Variants in CDK14 observed in about 807,000 individuals in gnomAD.
CDK14 encodes the protein cyclin dependent kinase 14.
Under a neutral mutation model 60.7 loss-of-function variants are expected in CDK14, and 34 were observed. That is an observed-to-expected ratio of 0.56 (90% CI 0.43 to 0.75). CDK14 has a LOEUF of 0.75. Ranked by LOEUF, CDK14 falls within the 30% of genes least tolerant of loss-of-function variation. CDK14 has a pLI of 0.00. For synonymous variants in CDK14, 197 were observed against 203.7 expected (o/e 0.97, Z 0.28); for missense variants, 482 against 564.1 (o/e 0.85, Z 1.47).
chr7:90,781,945 T>G (rs1323343271), intron 4 of CDK14, among the ~76,000 whole-genome samples: 3 of 152,086 alleles, frequency 2.0e-5, no homozygotes, highest in African/African-American at 7.2e-5. Flanking sequence ...TTTTTCCAAT[T>G]CTGTGCAGAA....
intron 9 of CDK14, among the ~76,000 whole-genome samples, chr7:90,972,014 C>T (rs1156259131): frequency 6.6e-6 from 1 of 152,092 alleles, no homozygotes; most frequent in Admixed American, 6.6e-5. Flanking sequence ...TTATTTTTTA[C>T]TTTTGTTTTT....
At chr7:91,079,342 C>G in intron 11 of CDK14, 90 bp from the exon 12 acceptor site, 1 of 817,848 alleles carries the variant, frequency 1.2e-6, no homozygotes. Flanking sequence ...GAGTAGCCCA[C>G]TCTTTTTTTA....
intron 2 of CDK14, among the ~76,000 whole-genome samples, chr7:90,667,722 A>T (rs1486015875): frequency 6.6e-6 from 1 of 151,970 alleles, no homozygotes; most frequent in Non-Finnish European, 1.5e-5. Context: ...GGCGCCTGCC[A>T]CCACGCCCGG....
intron 10 of CDK14, among the ~76,000 whole-genome samples, chr7:91,009,298 T>C (rs941819070): frequency 2.0e-5 from 3 of 152,204 alleles, no homozygotes; most frequent in Middle Eastern, 3.2e-3. Context: ...GTTTCCAGTT[T>C]TGTTGTACCT....
intron 9 of CDK14, among the ~76,000 whole-genome samples, chr7:90,957,445 A>G (rs1282872217): frequency 1.3e-5 from 2 of 152,152 alleles, no homozygotes; most frequent in South Asian, 2.1e-4. Context: ...TTATATATCT[A>G]GAAAACCCCA....
intron 10 of CDK14, among the ~76,000 whole-genome samples, chr7:91,035,225 C>G (rs1796886688): frequency 6.6e-6 from 1 of 152,206 alleles, no homozygotes; most frequent in Non-Finnish European, 1.5e-5. Context: ...GTGACCTCAT[C>G]TTGTCACCCA....
intron 14 of CDK14, among the ~76,000 whole-genome samples, chr7:91,161,485 C>G (rs1405175500): frequency 6.6e-6 from 1 of 152,148 alleles, no homozygotes. Context: ...ACTACCAGAG[C>G]AGAGTGAGAA....
chr7:90,964,365 C>G (rs1014502165), intron 9 of CDK14, among the ~76,000 whole-genome samples: 1 of 152,166 alleles, frequency 6.6e-6, no homozygotes, highest in Admixed American at 6.5e-5. Flanking sequence ...TAGTAGAAAA[C>G]ATATGGAAAA....
intron 5 of CDK14, among the ~76,000 whole-genome samples, chr7:90,799,322 A>G (rs936716788): frequency 6.6e-6 from 1 of 152,112 alleles, no homozygotes; most frequent in African/African-American, 2.4e-5. Context: ...CATTATTGCT[A>G]TTTTGAGGTT....
chr7:91,091,505 A>ATATATATGTG lies in CDK14; in HGVS notation c.1154+12032_1154+12033insGTGTATATAT, dbSNP rs1487516968. On this transcript the variant is annotated intron_variant, in intron 12 of 14. Coordinates refer to ENST00000380050, the MANE Select transcript of CDK14 (RefSeq NM_001287135.2). ...TGTATATGTAGTTTATATATTTTAT[A>ATATATATGTG]TATATATATATAAATTAGCCAGGCA... Among the ~76,000 whole-genome samples the ATATATATGTG allele has an allele frequency of 8.8e-5, 12 of 136,672 alleles. 1 individual carries two copies. The highest frequency in any genetic ancestry group is 2.0e-4 in the East Asian group (1 of 4,996). The allele number at this position is 136,672 out of a possible 152,430, so 89.7% of individuals were successfully genotyped here.
intron 10 of CDK14, among the ~76,000 whole-genome samples, chr7:91,004,529 C>T (rs1795927856): frequency 6.6e-6 from 1 of 152,142 alleles, no homozygotes; most frequent in African/African-American, 2.4e-5. Flanking sequence ...AATAGAAGGA[C>T]AAAGCCAGTA....
chr7:90,789,385 A>G (rs1431333910), intron 4 of CDK14, among the ~76,000 whole-genome samples: 1 of 152,268 alleles, frequency 6.6e-6, no homozygotes, highest in Non-Finnish European at 1.5e-5. Flanking sequence ...ATACATATAT[A>G]TGTAAGTCTA....
At chr7:90,602,705 T>G (rs1799340948) in intron 1 of CDK14, among the ~76,000 whole-genome samples, 1 of 152,346 alleles carries the variant, frequency 6.6e-6, no homozygotes, top group South Asian at 2.1e-4. Flanking sequence ...CATGTGCAAG[T>G]AATTGAATGC....
intron 12 of CDK14, among the ~76,000 whole-genome samples, chr7:91,097,396 T>C (rs1432773859): frequency 4.0e-5 from 6 of 151,414 alleles, no homozygotes; most frequent in African/African-American, 1.2e-4. Context: ...AAAAAAAAAA[T>C]ACAAAAAAAA....
intron 11 of CDK14, among the ~76,000 whole-genome samples, chr7:91,054,778 G>A (rs1274561272): frequency 6.6e-6 from 1 of 152,136 alleles, no homozygotes; most frequent in African/African-American, 2.4e-5. Flanking sequence ...ATGCTAGAGA[G>A]GGGACTAATA....
At chr7:91,145,380 C>T (rs985439819) in intron 14 of CDK14, among the ~76,000 whole-genome samples, 3 of 152,202 alleles carry the variant, frequency 2.0e-5, no homozygotes, top group African/African-American at 7.2e-5. Flanking sequence ...CTGCAGCCTA[C>T]AAGCTGTTCT....
chr7:90,658,035 A>G lies in CDK14; in HGVS notation c.123+53786A>G, dbSNP rs191266333. Among the ~76,000 whole-genome samples, 342 of 152,188 alleles carry G rather than the reference A, an allele frequency of 2.2e-3. 5 individuals carry two copies. Among genetic ancestry groups the G allele is most frequent in the Non-Finnish European group, 2.5e-3 (171 of 68,002 alleles). On this transcript the variant is annotated intron_variant, in intron 2 of 14. Coordinates refer to ENST00000380050, the MANE Select transcript of CDK14 (RefSeq NM_001287135.2). ...TTAGATTTGTCTGACTTTTTTTATA[A>G]TTAGGTTGAGGTTTCCCAATATTTT...
rs563965673 is a variant in CDK14 at position 90,719,554 on chromosome 7, G to A, written c.124-7013G>A. Among the ~76,000 whole-genome samples, 5 of 152,238 alleles carry A rather than the reference G, an allele frequency of 3.3e-5. No homozygotes were observed. The South Asian group carries it at 1.0e-3, about 32-fold the overall frequency. ...TGTGACTTTTGGAGCCTCATACACT[G>A]TTTGAATTTCTAACAATTTTTACTC... is the stretch of plus-strand genomic sequence containing the variant. On this transcript the variant is annotated intron_variant, in intron 2 of 14. Transcript: ENST00000380050.
At chr7:91,113,296 A>T (rs2116356936) in intron 13 of CDK14, among the ~76,000 whole-genome samples, 1 of 152,362 alleles carries the variant, frequency 6.6e-6, no homozygotes, top group Non-Finnish European at 1.5e-5. Flanking sequence ...TTTTAACTGC[A>T]AATGCTCTTG....
Sources: allele counts gnomAD v4.1 joint callset (sites outside exome capture counted in the v4.1 genomes callset), GRCh38; gene constraint gnomAD v4.1.1; transcripts MANE v1.5; gene names NCBI Gene and HGNC (gene_info 2026-07-23, HGNC 2026-07-21).